Variants in DENND1A observed in about 807,000 individuals in gnomAD.
DENND1A encodes the protein DENN domain containing 1A, also known as DENN domain-containing protein 1A.
A neutral mutation model predicts 113.7 loss-of-function variants in DENND1A; 51 were observed. The ratio of observed to expected loss-of-function variants is 0.45; its 90% CI spans 0.36 to 0.57. The LOEUF is 0.57. Among genes scored for constraint, DENND1A ranks in the 20% least tolerant of loss-of-function variants. The pLI, the probability that DENND1A is intolerant of heterozygous loss-of-function variation, is 0.00. For synonymous variants in DENND1A, 565 were observed against 570.8 expected (o/e 0.99, Z 0.14); for missense variants, 1,258 against 1,395.9 (o/e 0.90, Z 1.57).
In DENND1A at chr9:123,382,251, C is replaced by G. The variant is rs1466304721; in HGVS notation, c.2394G>C (p.Arg798=). The part of the protein sequence containing the change: ...AGAALGDVSE[R]LQTDRDRRAA... ...CTCGCCTGTCCCGATCCGTCTGCAG[C>G]CGCTCTGAGACGTCACCAAGTGCGG... The change falls in exon 24 of 24, where the codon CGG becomes CGC. Residue 798 remains arginine (R), a synonymous_variant. Coordinates refer to ENST00000394215, the MANE Select transcript of DENND1A (RefSeq NM_001352964.2). 5 of 1,610,068 alleles carry G rather than the reference C, an allele frequency of 3.1e-6. No individual in the cohort carries two copies. In the Admixed American group the frequency reaches 8.3e-5, roughly 27 times the overall value.
intron 13 of DENND1A, among the ~76,000 whole-genome samples, chr9:123,469,133 A>T (rs1182850518): frequency 6.6e-6 from 1 of 152,166 alleles, no homozygotes; most frequent in Non-Finnish European, 1.5e-5. Flanking sequence ...CTGGGTGGGG[A>T]CATGCCACAT....
rs1283569354 is a variant in DENND1A at position 123,674,315 on chromosome 9, CTCTCTG to C, written c.372+2399_372+2404del. Reference sequence around the variant, plus strand: ...ACACCCCATGCTTAGCCATCACAATCTCTCTGTCTCTGTCTCTGTCTCTCTCTCACA... The same window carrying C: ...ACACCCCATGCTTAGCCATCACAATCTCTCTGTCTCTGTCTCTCTCTCACA... On this transcript the variant is annotated intron_variant, in intron 6 of 23. Transcript: ENST00000394215. Among the ~76,000 whole-genome samples the C allele has an allele frequency of 8.7e-5, 13 of 149,108 alleles. No homozygotes were observed. The East Asian group carries it at 9.8e-4, about 11-fold the overall frequency.
At chr9:123,515,877 G>C (rs1278339696) in intron 13 of DENND1A, among the ~76,000 whole-genome samples, 1 of 151,834 alleles carries the variant, frequency 6.6e-6, no homozygotes. Context: ...GGCCAGTCTG[G>C]GCAACACGGG....
At position 123,583,262 on chromosome 9, in the gene DENND1A, T is replaced by A; in HGVS notation, c.774A>T (p.Arg258Ser). ...GIHLSLMEKV[R>S]NMALDDVVIL... ...TCACGACATCATCCAGGGCCATGTTTCTGACTTTCTGCAAGGAGAAAAAAA... is the reference window on the plus strand; with the variant it reads ...TCACGACATCATCCAGGGCCATGTTACTGACTTTCTGCAAGGAGAAAAAAA... Residue 258 changes from arginine (R) to serine (S), a missense_variant, in exon 12 of 24, where the codon AGA becomes AGT. Coordinates refer to ENST00000394215, the MANE Select transcript of DENND1A (RefSeq NM_001352964.2). 6.2e-7 allele frequency: 1 copy of A among 1,610,884 alleles called. No homozygotes were observed. Among genetic ancestry groups the A allele is most frequent in the South Asian group, 1.1e-5 (1 of 90,428 alleles).
intron 8 of DENND1A, among the ~76,000 whole-genome samples, chr9:123,660,682 A>G (rs2063189929): frequency 6.6e-6 from 1 of 152,252 alleles, no homozygotes; most frequent in Non-Finnish European, 1.5e-5. Flanking sequence ...AAATACAGTG[A>G]ATTAAACATA....
intron 13 of DENND1A, among the ~76,000 whole-genome samples, chr9:123,518,746 C>A (rs569859240): frequency 6.6e-6 from 1 of 152,232 alleles, no homozygotes; most frequent in Admixed American, 6.5e-5. Flanking sequence ...CAGTCCATGC[C>A]ACCCCCACCT....
At chr9:123,483,197 AG>A (rs1450224493) in intron 13 of DENND1A, among the ~76,000 whole-genome samples, 1 of 152,138 alleles carries the variant, frequency 6.6e-6, no homozygotes, top group Non-Finnish European at 1.5e-5. Context: ...AGTGCTTTGG[AG>A]AGGCAAGTAG....
intron 13 of DENND1A, among the ~76,000 whole-genome samples, chr9:123,470,923 T>G (rs570137085): frequency 2.8e-4 from 42 of 152,308 alleles, no homozygotes; most frequent in African/African-American, 7.9e-4. Context: ...CACAGGAGAC[T>G]TCGGTAGGAA....
At chr9:123,587,328 A>G (rs2059226904) in intron 11 of DENND1A, among the ~76,000 whole-genome samples, 1 of 152,238 alleles carries the variant, frequency 6.6e-6, no homozygotes, top group Admixed American at 6.5e-5. Flanking sequence ...AATTTCTAAC[A>G]GAGCCTTAAA....
At chr9:123,484,606 C>T (rs532366268) in intron 13 of DENND1A, among the ~76,000 whole-genome samples, 1 of 152,314 alleles carries the variant, frequency 6.6e-6, no homozygotes, top group Non-Finnish European at 1.5e-5. Flanking sequence ...TGCCTTGTTG[C>T]CCCTTGCTCC....
intron 1 of DENND1A, among the ~76,000 whole-genome samples, chr9:123,901,803 G>A (rs1392070576): frequency 1.3e-5 from 2 of 152,068 alleles, no homozygotes; most frequent in South Asian, 4.1e-4. Context: ...AGAAGATCGA[G>A]ACCATCCTGG....
intron 1 of DENND1A, among the ~76,000 whole-genome samples, chr9:123,904,789 T>C (rs1040755375): frequency 2.6e-5 from 4 of 151,982 alleles, no homozygotes; most frequent in African/African-American, 7.3e-5. Flanking sequence ...CACTGCAGGA[T>C]ATGATCCAGG....
intron 11 of DENND1A, among the ~76,000 whole-genome samples, chr9:123,607,082 GCTC>G (rs1359171208): frequency 2.0e-5 from 3 of 152,116 alleles, no homozygotes; most frequent in Admixed American, 2.0e-4. Flanking sequence ...AGGCTGGAAG[GCTC>G]CTCCTCAAGT....
At chr9:123,739,123 C>T (rs76937283) in intron 5 of DENND1A, among the ~76,000 whole-genome samples, 160 of 152,238 alleles carry the variant, frequency 1.1e-3, no homozygotes, top group African/African-American at 3.7e-3. Flanking sequence ...CTCAAGAAAT[C>T]TGTTCAACCA....
At chr9:123,777,326 T>C (rs1446132046) in intron 3 of DENND1A, among the ~76,000 whole-genome samples, 1 of 152,182 alleles carries the variant, frequency 6.6e-6, no homozygotes, top group Admixed American at 6.5e-5. Context: ...TCCCCCTAGA[T>C]AGTTGGGATT....
intron 13 of DENND1A, among the ~76,000 whole-genome samples, chr9:123,476,624 T>G (rs969690206): frequency 1.3e-5 from 2 of 152,210 alleles, no homozygotes; most frequent in African/African-American, 4.8e-5. Flanking sequence ...GTTGCTCAGA[T>G]GATTCTAACG....
At chr9:123,626,296 T>G (rs1410694068) in intron 10 of DENND1A, among the ~76,000 whole-genome samples, 1 of 151,822 alleles carries the variant, frequency 6.6e-6, no homozygotes, top group Non-Finnish European at 1.5e-5. Context: ...AAAGGACCTA[T>G]GTCTATGAAG....
intron 8 of DENND1A, among the ~76,000 whole-genome samples, chr9:123,662,591 A>G (rs1201354369): frequency 6.6e-6 from 1 of 152,208 alleles, no homozygotes; most frequent in Non-Finnish European, 1.5e-5. Context: ...ATTTTTAGTC[A>G]TGCTAGGTCT....
intron 9 of DENND1A, among the ~76,000 whole-genome samples, chr9:123,646,510 G>A (rs1189929630): frequency 6.6e-6 from 1 of 152,054 alleles, no homozygotes; most frequent in Non-Finnish European, 1.5e-5. Context: ...GGAGAGAAGA[G>A]CTTGCTTACT....
Sources: allele counts gnomAD v4.1 joint callset (sites outside exome capture counted in the v4.1 genomes callset), GRCh38; gene constraint gnomAD v4.1.1; transcripts MANE v1.5; gene names NCBI Gene and HGNC (gene_info 2026-07-23, HGNC 2026-07-21).